Variants in APLF observed in about 807,000 individuals in gnomAD.
APLF encodes the protein aprataxin and PNK-like factor.
A neutral mutation model predicts 55.6 loss-of-function variants in APLF; 61 were observed. The ratio of observed to expected loss-of-function variants is 1.10; its 90% CI spans 0.89 to 1.36. APLF has a LOEUF of 1.36. Ranked by LOEUF, APLF falls within the 40% of genes most tolerant of loss-of-function variation. The pLI, the probability that APLF is intolerant of heterozygous loss-of-function variation, is 0.00. For synonymous variants in APLF, 207 were observed against 214.8 expected (o/e 0.96, Z 0.32); for missense variants, 611 against 602.5 (o/e 1.01, Z -0.15).
chr2:68,533,320 A>T (rs1263626291), intron 6 of APLF, among the ~76,000 whole-genome samples: 1 of 152,182 alleles, frequency 6.6e-6, no homozygotes, highest in Non-Finnish European at 1.5e-5. Flanking sequence ...CAGACTATGT[A>T]TTTCCTTTAT....
At chr2:68,516,888 A>G (rs994667009) in intron 5 of APLF, among the ~76,000 whole-genome samples, 14 of 132,658 alleles carry the variant, frequency 1.1e-4, no homozygotes, top group East Asian at 4.1e-4. Context: ...TGTTATATAT[A>G]ATATAATAAT....
At chr2:68,556,371 AAAAG>A (rs1207780288) in intron 8 of APLF, among the ~76,000 whole-genome samples, 2 of 152,126 alleles carry the variant, frequency 1.3e-5, no homozygotes, top group African/African-American at 2.4e-5. Flanking sequence ...ATTTAATAAA[AAAAG>A]GTATCTTGCC....
At chr2:68,481,339 A>G (rs771674999) in intron 1 of APLF, among the ~76,000 whole-genome samples, 8 of 150,812 alleles carry the variant, frequency 5.3e-5, no homozygotes, top group Non-Finnish European at 1.2e-4. Context: ...GGATAGCTTT[A>G]CTGGGTATCA....
intron 2 of APLF, among the ~76,000 whole-genome samples, chr2:68,502,179 G>A (rs963204514): frequency 6.6e-6 from 1 of 152,078 alleles, no homozygotes; most frequent in Admixed American, 6.6e-5. Context: ...CATGTTAAAG[G>A]TCCTACTTGT....
chr2:68,533,744 G>A (rs530813160), intron 6 of APLF, among the ~76,000 whole-genome samples: 1 of 152,278 alleles, frequency 6.6e-6, no homozygotes, highest in Non-Finnish European at 1.5e-5. Flanking sequence ...ATCTTCACCT[G>A]ACATCTGGGC....
At chr2:68,470,454 G>A (rs1168866979) in intron 1 of APLF, among the ~76,000 whole-genome samples, 1 of 152,070 alleles carries the variant, frequency 6.6e-6, no homozygotes, top group Non-Finnish European at 1.5e-5. Context: ...TTTGTAAGAC[G>A]TTACCATTAG....
rs192626042 is a variant in APLF, at chr2:68,549,077, C to A, written c.1286+3765C>A. ...AAGTATCTACATTTCCCTATAGTGT[C>A]ATTTTTTTTAACAGTTTATCTGAAT... On this transcript the variant is annotated intron_variant, in intron 8 of 9. Coordinates refer to ENST00000303795, the MANE Select transcript of APLF (RefSeq NM_173545.3). Among the ~76,000 whole-genome samples the A allele has an allele frequency of 2.6e-5, 4 of 152,058 alleles. No homozygotes were observed. In the East Asian group the frequency reaches 7.7e-4, roughly 29 times the overall value.
At chr2:68,508,338 G>A (rs1038606382) in intron 3 of APLF, among the ~76,000 whole-genome samples, 2 of 151,804 alleles carry the variant, frequency 1.3e-5, no homozygotes, top group Non-Finnish European at 2.9e-5. Flanking sequence ...TTTTGACAAA[G>A]GTGTCAAGAC....
At chr2:68,507,977 T>G (rs1340709800) in intron 3 of APLF, among the ~76,000 whole-genome samples, 1 of 151,840 alleles carries the variant, frequency 6.6e-6, no homozygotes, top group African/African-American at 2.4e-5. Context: ...AAAATGGTGA[T>G]GAAAATGTCA....
chr2:68,557,400 A>G lies in APLF; in HGVS notation c.1287-9941A>G, dbSNP rs545507001. 1.1e-4 allele frequency among the ~76,000 whole-genome samples: 16 copies of G among 152,334 alleles called. No homozygotes were observed. The East Asian group carries it at 2.5e-3, about 24-fold the overall frequency. ...GAATCTGCAGGTGCTGAATCCAGCT[A>G]TGAGGGCTGACTATATCTGCAGATG... On this transcript the variant is annotated intron_variant, in intron 8 of 9. Transcript: ENST00000303795.
intron 5 of APLF, among the ~76,000 whole-genome samples, chr2:68,524,829 A>T (rs1486797658): frequency 6.6e-6 from 1 of 152,248 alleles, no homozygotes; most frequent in African/African-American, 2.4e-5. Context: ...CTTCATGAAG[A>T]CATCACTCTC....
intron 1 of APLF, among the ~76,000 whole-genome samples, chr2:68,473,379 A>G (rs1350391399): frequency 6.6e-6 from 1 of 152,142 alleles, no homozygotes; most frequent in Non-Finnish European, 1.5e-5. Context: ...ATAATATTCC[A>G]TTGTCGGTTT....
chr2:68,470,595 A>G (rs1055386997), intron 1 of APLF, among the ~76,000 whole-genome samples: 2 of 152,224 alleles, frequency 1.3e-5, no homozygotes, highest in African/African-American at 4.8e-5. Context: ...CTGTTAGGCC[A>G]AAGTATTTGC....
Position 68,560,341 on chromosome 2 carries a change from A to G in APLF, c.1287-7000A>G, listed in dbSNP as rs1408860137. On this transcript the variant is annotated intron_variant, in intron 8 of 9. Coordinates refer to ENST00000303795, the MANE Select transcript of APLF (RefSeq NM_173545.3). ...GTATTCAGTGAATTTTTATTGATAGACAGTTTGAGTGAAATGGATGGCAAT... is the reference window on the plus strand; with the variant it reads ...GTATTCAGTGAATTTTTATTGATAGGCAGTTTGAGTGAAATGGATGGCAAT... 5.3e-5 allele frequency among the ~76,000 whole-genome samples: 8 copies of G among 152,188 alleles called. No individual in the cohort carries two copies. The South Asian group carries it at 1.7e-3, about 32-fold the overall frequency.
chr2:68,524,313 A>G (rs978611175), intron 5 of APLF, among the ~76,000 whole-genome samples: 1 of 152,234 alleles, frequency 6.6e-6, no homozygotes, highest in South Asian at 2.1e-4. Flanking sequence ...CCTAAGTTTG[A>G]TAATATGGAC....
chr2:68,555,193 A>C (rs1264118267), intron 8 of APLF, among the ~76,000 whole-genome samples: 2 of 152,220 alleles, frequency 1.3e-5, no homozygotes, highest in Non-Finnish European at 1.5e-5. Context: ...CTAAGACCAG[A>C]AACTGTAAAA....
intron 8 of APLF, among the ~76,000 whole-genome samples, chr2:68,551,439 CTATTT>C (rs902913180): frequency 6.6e-6 from 1 of 151,978 alleles, no homozygotes; most frequent in African/African-American, 2.4e-5. Context: ...TGTGTCTACT[CTATTT>C]TATCTTTTCT....
At chr2:68,574,420 G>A (rs1671567420) in intron 9 of APLF, among the ~76,000 whole-genome samples, 1 of 152,184 alleles carries the variant, frequency 6.6e-6, no homozygotes, top group Non-Finnish European at 1.5e-5. Context: ...TGTTATGAAG[G>A]ATCTGTGTGA....
chr2:68,468,408 A>G (rs1030927170), intron 1 of APLF, among the ~76,000 whole-genome samples: 1 of 152,192 alleles, frequency 6.6e-6, no homozygotes, highest in Non-Finnish European at 1.5e-5. Flanking sequence ...AGTAATGTGT[A>G]TAGCGTTCGT....
Sources: allele counts gnomAD v4.1 joint callset (sites outside exome capture counted in the v4.1 genomes callset), GRCh38; gene constraint gnomAD v4.1.1; transcripts MANE v1.5; gene names NCBI Gene and HGNC (gene_info 2026-07-23, HGNC 2026-07-21).